Variants in NDFIP2 observed in about 807,000 individuals in gnomAD.
The protein encoded by NDFIP2 is Nedd4 family interacting protein 2.
A neutral mutation model predicts 36.0 loss-of-function variants in NDFIP2; 19 were observed. The observed-to-expected ratio is 0.53, with a 90% CI of 0.37 to 0.77. The LOEUF (loss-of-function observed/expected upper bound fraction) is 0.77, where lower values mean the gene tolerates loss of function less well. Among genes scored for constraint, NDFIP2 ranks in the 30% least tolerant of loss-of-function variants. The probability of loss-of-function intolerance (pLI) is 0.00; values close to 1 mark genes in which losing one functional copy is unlikely to be tolerated. For synonymous variants in NDFIP2, 181 were observed against 167.7 expected (o/e 1.08, Z -0.61); for missense variants, 446 against 435.8 (o/e 1.02, Z -0.21).
intron 5 of NDFIP2, among the ~76,000 whole-genome samples, chr13:79,547,188 G>T (rs1875718111): frequency 6.6e-6 from 1 of 151,984 alleles, no homozygotes; most frequent in South Asian, 2.1e-4. Context: ...ATCTTTATTT[G>T]ATATGCTTAC....
At position 79,481,286 on chromosome 13, in the gene NDFIP2, G is replaced by C; in HGVS notation, c.83G>C (p.Arg28Pro). The change falls in exon 1 of 8, where the codon CGC (arginine) becomes CCC (proline). Residue 28 changes from arginine (R) to proline (P), a missense_variant. Coordinates refer to ENST00000218652, the MANE Select transcript of NDFIP2 (RefSeq NM_019080.3). ...NSARGAPELL[R>P]GTATNAEVSA... ...GCGCGCGGCGCCCCGGAGCTTCTCC[G>C]CGGAACCGCGACCAACGCGGAGGTC... 1.3e-6 allele frequency: 2 copies of C among 1,538,878 alleles called. No homozygotes were observed. Among genetic ancestry groups the C allele is most frequent in the Non-Finnish European group, 1.7e-6 (2 of 1,146,246 alleles).
At chr13:79,488,896 T>G (rs1448973346) in intron 1 of NDFIP2, among the ~76,000 whole-genome samples, 1 of 152,222 alleles carries the variant, frequency 6.6e-6, no homozygotes, top group Non-Finnish European at 1.5e-5. Flanking sequence ...GTACTTACAT[T>G]GTATTAATAA....
intron 3 of NDFIP2, among the ~76,000 whole-genome samples, chr13:79,534,373 T>TTTTG (rs1875145469): frequency 6.7e-6 from 1 of 148,514 alleles, no homozygotes; most frequent in South Asian, 2.1e-4. Flanking sequence ...TTTTTTTTTT[T>TTTTG]GATAACATTC....
chr13:79,546,385 C>T (rs999666271), intron 5 of NDFIP2, among the ~76,000 whole-genome samples: 5 of 152,118 alleles, frequency 3.3e-5, no homozygotes, highest in African/African-American at 1.2e-4. Flanking sequence ...TAAAAACTAA[C>T]AAAGTACATT....
At chr13:79,495,392 C>G (rs1352600678) in intron 1 of NDFIP2, among the ~76,000 whole-genome samples, 1 of 151,860 alleles carries the variant, frequency 6.6e-6, no homozygotes, top group Non-Finnish European at 1.5e-5. Flanking sequence ...TGAAATGTCC[C>G]ACTTTATCTC....
At chr13:79,499,660 A>G (rs1016983491) in intron 1 of NDFIP2, among the ~76,000 whole-genome samples, 2 of 151,880 alleles carry the variant, frequency 1.3e-5, no homozygotes, top group African/African-American at 2.4e-5. Context: ...TTAAGTATAA[A>G]TCTAACAAAC....
At chr13:79,533,174 G>A (rs929051361) in intron 2 of NDFIP2, 149 bp from the exon 3 acceptor site, 11 of 463,190 alleles carry the variant, frequency 2.4e-5, no homozygotes, top group Non-Finnish European at 3.6e-5. Context: ...GATTGTAATA[G>A]TAATTTATAT....
chr13:79,547,226 A>G (rs1458134325), intron 5 of NDFIP2, among the ~76,000 whole-genome samples: 1 of 152,144 alleles, frequency 6.6e-6, no homozygotes, highest in Non-Finnish European at 1.5e-5. Flanking sequence ...TACAATTTGT[A>G]AGCATTTTTT....
At chr13:79,548,825 G>A (rs1027345409) in intron 6 of NDFIP2, among the ~76,000 whole-genome samples, 8 of 151,918 alleles carry the variant, frequency 5.3e-5, no homozygotes, top group Admixed American at 4.6e-4. Flanking sequence ...TCATTAATCA[G>A]CCAGGCATAA....
At chr13:79,551,572 T>C (rs1038975509) in intron 7 of NDFIP2, among the ~76,000 whole-genome samples, 3 of 151,508 alleles carry the variant, frequency 2.0e-5, no homozygotes, top group Non-Finnish European at 3.0e-5. Flanking sequence ...ACAATTTGTC[T>C]TGCAGTCCTT....
chr13:79,481,228 G>A lies in NDFIP2; in HGVS notation c.25G>A (p.Val9Ile), dbSNP rs766704451. ...GATGGCACGCCGGCGGAGCCAGCGA[G>A]TCTGCGCGAGCGGTCCGAGCATGCT... MARRRSQR[V>I]CASGPSMLNS... Residue 9 changes from valine to isoleucine, a missense_variant, in exon 1 of 8, where the codon GTC becomes ATC. By Grantham distance (29) the Val-to-Ile change is conservative (BLOSUM62 3). This residue lies in a region of NDFIP2 where 369 missense variants were observed against 304.8 expected (regional missense o/e 1.21). Transcript: ENST00000218652. The A allele has an allele frequency of 2.0e-6, 3 of 1,520,722 alleles. No homozygotes were observed. The highest frequency in any genetic ancestry group is 2.0e-5 in the Admixed American group (1 of 48,832). The allele number at this position is 1,520,722 out of a possible 1,614,324, so 94.2% of individuals were successfully genotyped here. A position where few individuals can be genotyped will look rare whatever the true frequency, so the allele number is the denominator to read the frequency against.
intron 5 of NDFIP2, among the ~76,000 whole-genome samples, chr13:79,544,355 G>A (rs1424393805): frequency 6.6e-6 from 1 of 152,092 alleles, no homozygotes; most frequent in Admixed American, 6.5e-5. Context: ...AGGGAGACAA[G>A]TTCCCCATCT....
intron 5 of NDFIP2, among the ~76,000 whole-genome samples, chr13:79,545,697 A>T (rs1875643146): frequency 6.6e-6 from 1 of 152,198 alleles, no homozygotes. Context: ...TGGTGATGAA[A>T]CTAAGAATAA....
At chr13:79,546,188 C>T (rs1004064241) in intron 5 of NDFIP2, among the ~76,000 whole-genome samples, 2 of 151,424 alleles carry the variant, frequency 1.3e-5, no homozygotes, top group Non-Finnish European at 3.0e-5. Flanking sequence ...GAAAAGTTTT[C>T]TCCTAAAAAC....
intron 1 of NDFIP2, among the ~76,000 whole-genome samples, chr13:79,485,664 T>C (rs1328944436): frequency 2.6e-5 from 4 of 152,184 alleles, no homozygotes; most frequent in Non-Finnish European, 4.4e-5. Context: ...CCCAACTGCA[T>C]AGTCTGATAG....
At position 79,503,294 on chromosome 13, in the gene NDFIP2, C is replaced by T. The variant is rs571678683; in HGVS notation, c.322-17516C>T. ...GCTGTGGCAGCCACCTACATAGTCACGTGATTTGTTGTCTTCCCTCCACCA... is the reference window on the plus strand; with the variant it reads ...GCTGTGGCAGCCACCTACATAGTCATGTGATTTGTTGTCTTCCCTCCACCA... On this transcript the variant is annotated intron_variant, in intron 1 of 7. Coordinates refer to ENST00000218652, the MANE Select transcript of NDFIP2 (RefSeq NM_019080.3). Among the ~76,000 whole-genome samples the T allele has an allele frequency of 4.6e-5, 7 of 152,196 alleles. No homozygotes were observed. The East Asian group carries it at 7.7e-4, about 17-fold the overall frequency.
At chr13:79,539,598 G>T in intron 3 of NDFIP2, 84 bp from the exon 4 acceptor site, 1 of 1,041,026 alleles carries the variant, frequency 9.6e-7, no homozygotes, top group South Asian at 1.3e-5. Context: ...GAGAACATTA[G>T]ATGTTGCTGA....
chr13:79,494,588 C>T (rs1594840991), intron 1 of NDFIP2, among the ~76,000 whole-genome samples: 1 of 151,922 alleles, frequency 6.6e-6, no homozygotes, highest in Non-Finnish European at 1.5e-5. Flanking sequence ...CTTCTATTCT[C>T]CTATTTCATC....
intron 1 of NDFIP2, among the ~76,000 whole-genome samples, chr13:79,520,025 T>A (rs1874506372): frequency 6.6e-6 from 1 of 152,204 alleles, no homozygotes; most frequent in Non-Finnish European, 1.5e-5. Context: ...GGTCTCAAAC[T>A]CCTGGCCTCA....
Sources: gnomAD v4.1 joint callset for allele counts (sites outside exome capture counted in the v4.1 genomes callset) on GRCh38, gnomAD v4.1.1 for gene constraint, gnomAD v4.1.1 regional missense constraint, MANE v1.5 for transcripts, NCBI Gene and HGNC (gene_info 2026-07-23, HGNC 2026-07-21) for gene names.